The following FER1L6 variants were observed in gnomAD, a reference collection of about 807,000 sequenced individuals.
FER1L6 encodes the protein fer-1 like family member 6.
In FER1L6, 177 loss-of-function variants were observed where a neutral mutation model predicts 219.2. That is an observed-to-expected ratio of 0.81 (90% CI 0.71 to 0.91). The LOEUF is 0.91. FER1L6 is among the 40% of genes least tolerant of loss of function. The pLI, the probability that FER1L6 is intolerant of heterozygous loss-of-function variation, is 0.00. For missense variants in FER1L6, 2,153 were observed against 2,259.9 expected (o/e 0.95, Z 0.96); for synonymous variants, 768 against 824.3 (o/e 0.93, Z 1.17).
At chr8:124,006,002 C>T (rs1422626447) in intron 13 of FER1L6, among the ~76,000 whole-genome samples, 1 of 152,134 alleles carries the variant, frequency 6.6e-6, no homozygotes, top group Non-Finnish European at 1.5e-5. Context: ...TTTTTCGTTC[C>T]CTGAAAGCCA....
At chr8:123,951,863 A>G (rs2130090521) in intron 1 of FER1L6, among the ~76,000 whole-genome samples, 1 of 152,316 alleles carries the variant, frequency 6.6e-6, no homozygotes, top group South Asian at 2.1e-4. Flanking sequence ...CCTCTTAGGT[A>G]GAGAAGAGAG....
chr8:123,886,540 C>T (rs907915087), intron 1 of FER1L6, among the ~76,000 whole-genome samples: 9 of 152,194 alleles, frequency 5.9e-5, no homozygotes, highest in African/African-American at 1.9e-4. Flanking sequence ...GCCCCTTGTA[C>T]TTGCCAGCTT....
chr8:124,016,016 T>C (rs1413628211), intron 15 of FER1L6: 2 of 152,844 alleles, frequency 1.3e-5, no homozygotes, highest in Non-Finnish European at 2.9e-5. Context: ...TAAGGGAGGA[T>C]GTCCATAGCC....
chr8:123,884,275 T>C (rs16898994), intron 1 of FER1L6, among the ~76,000 whole-genome samples: 4,225 of 152,260 alleles, frequency 0.028, 203 homozygotes, highest in African/African-American at 0.096. Flanking sequence ...GGTCCTCCAA[T>C]CTTAGGATGG....
At chr8:124,005,541 T>C (rs1817618961) in intron 13 of FER1L6, among the ~76,000 whole-genome samples, 1 of 152,238 alleles carries the variant, frequency 6.6e-6, no homozygotes, top group Non-Finnish European at 1.5e-5. Flanking sequence ...ATTTAGACTT[T>C]GTCCTCACCT....
At chr8:124,019,933 G>A (rs775586677) in intron 16 of FER1L6, among the ~76,000 whole-genome samples, 1 of 152,044 alleles carries the variant, frequency 6.6e-6, no homozygotes, top group Admixed American at 6.6e-5. Flanking sequence ...TAGAGTCTAG[G>A]AAGAACATTT....
rs1821590907 is a variant in FER1L6 at position 124,082,365 on chromosome 8, C to CA, written c.4299dup (p.Asp1434ArgfsTer2). ...ATCTATGACCATGACATGATTGGCACAGATGACCTTATTGGTGAGACCAAG... is the reference window on the plus strand; with the variant it reads ...ATCTATGACCATGACATGATTGGCACAAGATGACCTTATTGGTGAGACCAAG... On this transcript the variant is annotated frameshift_variant, in exon 33 of 41. Transcript: ENST00000522917. LOFTEE classifies it high-confidence loss of function. The CA allele has an allele frequency of 1.9e-6, 3 of 1,613,980 alleles. No homozygotes were observed. In the East Asian group the frequency reaches 6.7e-5, roughly 36 times the overall value.
At chr8:124,089,388 G>T (rs1821924819) in intron 33 of FER1L6, among the ~76,000 whole-genome samples, 1 of 152,200 alleles carries the variant, frequency 6.6e-6, no homozygotes, top group Non-Finnish European at 1.5e-5. Flanking sequence ...CAGGGAATGG[G>T]GGAGGAGTGG....
At chr8:123,878,756 T>C (rs955936381) in intron 1 of FER1L6, among the ~76,000 whole-genome samples, 10 of 152,390 alleles carry the variant, frequency 6.6e-5, no homozygotes, top group African/African-American at 2.4e-4. Flanking sequence ...TTCCTATTCC[T>C]TTGTATAAAC....
At chr8:124,076,141 G>A (rs1821276192) in intron 31 of FER1L6, 57 bp from the exon 32 acceptor site, 1 of 1,603,300 alleles carries the variant, frequency 6.2e-7, no homozygotes, top group South Asian at 1.1e-5. Flanking sequence ...GGTAATCCCA[G>A]TGTACAACCA....
intron 1 of FER1L6, among the ~76,000 whole-genome samples, chr8:123,875,155 A>C (rs1404002656): frequency 1.3e-5 from 2 of 152,138 alleles, no homozygotes; most frequent in Non-Finnish European, 2.9e-5. Context: ...AGATGACACT[A>C]CTGCACTCCA....
intron 1 of FER1L6, among the ~76,000 whole-genome samples, chr8:123,949,595 G>C (rs911478198): frequency 6.6e-6 from 1 of 152,180 alleles, no homozygotes; most frequent in African/African-American, 2.4e-5. Context: ...GAAGCTGTTT[G>C]GACTAGAGTC....
At chr8:123,854,504 T>C (rs1816592766) in intron 1 of FER1L6, among the ~76,000 whole-genome samples, 1 of 152,176 alleles carries the variant, frequency 6.6e-6, no homozygotes. Context: ...AAAGAGTCCA[T>C]CACACTGTGT....
chr8:123,887,020 G>T (rs1450665243), intron 1 of FER1L6, among the ~76,000 whole-genome samples: 1 of 152,072 alleles, frequency 6.6e-6, no homozygotes, highest in Non-Finnish European at 1.5e-5. Context: ...CTCTCAAAAG[G>T]TATCAAAGAA....
At chr8:124,010,008 G>A (rs1185195959) in intron 13 of FER1L6, among the ~76,000 whole-genome samples, 1 of 152,064 alleles carries the variant, frequency 6.6e-6, no homozygotes, top group Non-Finnish European at 1.5e-5. Flanking sequence ...GACCCGGGGA[G>A]GAGAGGTCTT....
intron 22 of FER1L6, among the ~76,000 whole-genome samples, chr8:124,054,449 A>G (rs1820190344): frequency 6.6e-6 from 1 of 152,202 alleles, no homozygotes. Context: ...CTTCTTTTTC[A>G]AAACTTGATA....
At chr8:124,089,881 A>G (rs954527054) in intron 33 of FER1L6, among the ~76,000 whole-genome samples, 1 of 152,180 alleles carries the variant, frequency 6.6e-6, no homozygotes, top group Non-Finnish European at 1.5e-5. Flanking sequence ...GATATTCTTT[A>G]TAATCATTAT....
chr8:123,955,509 C>T (rs1200449268), intron 1 of FER1L6, among the ~76,000 whole-genome samples: 2 of 152,152 alleles, frequency 1.3e-5, no homozygotes, highest in East Asian at 3.9e-4. Context: ...AGTGGTTAGA[C>T]CCTGGGCTTT....
At chr8:124,089,885 T>G (rs1007433763) in intron 33 of FER1L6, among the ~76,000 whole-genome samples, 1 of 152,222 alleles carries the variant, frequency 6.6e-6, no homozygotes, top group Admixed American at 6.5e-5. Flanking sequence ...TTCTTTATAA[T>G]CATTATTTCA....
Sources: allele counts gnomAD v4.1 joint callset (sites outside exome capture counted in the v4.1 genomes callset), GRCh38; gene constraint gnomAD v4.1.1; transcripts MANE v1.5; gene names NCBI Gene and HGNC (gene_info 2026-07-23, HGNC 2026-07-21).